NLRP5: variants seen among roughly 807,000 people sequenced by gnomAD.
NLRP5 encodes the protein NACHT, LRR and PYD domains-containing protein 5.
A neutral mutation model predicts 113.1 loss-of-function variants in NLRP5; 93 were observed. That is an observed-to-expected ratio of 0.82 (90% confidence interval 0.70 to 0.98). The LOEUF (loss-of-function observed/expected upper bound fraction) is 0.98, where lower values mean the gene tolerates loss of function less well. Among genes scored for constraint, NLRP5 ranks in the 50% least tolerant of loss-of-function variants. NLRP5 has a pLI of 0.00. For synonymous variants in NLRP5, 751 were observed against 600.7 expected, an observed-to-expected ratio of 1.25 and a Z score of -3.66; for missense variants, 1,808 against 1,514.3, an observed-to-expected ratio of 1.19 and a Z score of -3.22.
At chr19:55,998,728 A>ATATGTG (rs1262553481), upstream of NLRP5, among the ~76,000 whole-genome samples, 2 of 130,342 alleles carry the variant, frequency 1.5e-5, no homozygotes, top group African/African-American at 6.5e-5. Context: ...ATATATATAT[A>ATATGTG]TGTGTATATA....
At chr19:56,007,054 T>C (rs956455030) in intron 2 of NLRP5, among the ~76,000 whole-genome samples, 1 of 151,304 alleles carries the variant, frequency 6.6e-6, no homozygotes, top group East Asian at 2.0e-4. Context: ...TAAAATTTTT[T>C]AAAAATTGTA....
At chr19:56,015,224 G>C (rs1339282660) in intron 3 of NLRP5, among the ~76,000 whole-genome samples, 1 of 152,156 alleles carries the variant, frequency 6.6e-6, no homozygotes, top group Admixed American at 6.6e-5. Context: ...GTTTTTGACA[G>C]AGTTTCACTC....
chr19:56,009,554 C>G (rs1599880573), intron 3 of NLRP5, among the ~76,000 whole-genome samples: 1 of 152,100 alleles, frequency 6.6e-6, no homozygotes, highest in East Asian at 1.9e-4. Context: ...ATGCCAGCCA[C>G]TGCTCTGCGT....
chr19:55,993,716 ATTCAGTAT>A, the NLRP5 span, among the ~76,000 whole-genome samples: 1 of 147,404 alleles, frequency 6.8e-6, no homozygotes, highest in African/African-American at 2.5e-5. Flanking sequence ...AGTAAAATAC[ATTCAGTAT>A]TTAGTTTCCC....
At position 56,026,897 on chromosome 19, in the gene NLRP5, C is replaced by G; in HGVS notation, c.680-16C>G. On this transcript the variant is annotated splice_polypyrimidine_tract_variant and intron_variant, in intron 6 of 14. Transcript: ENST00000390649. ...GGTCTGTTTCCTGATTTTCATTCTA[C>G]CCTCTCTGACTCCAGGACATGGAGG... is the stretch of plus-strand genomic sequence containing the variant. The G allele has an allele frequency of 6.5e-7, 1 of 1,544,536 alleles. No homozygotes were observed. The highest frequency in any genetic ancestry group is 1.2e-5 in the South Asian group (1 of 83,172).
intron 2 of NLRP5, among the ~76,000 whole-genome samples, chr19:56,005,398 C>G (rs1456273380): frequency 3.4e-5 from 5 of 148,346 alleles, no homozygotes; most frequent in Non-Finnish European, 7.4e-5. Flanking sequence ...CATATACACA[C>G]ACATATACAC....
At chr19:56,036,171 C>G (rs979567818) in intron 9 of NLRP5, among the ~76,000 whole-genome samples, 8 of 147,124 alleles carry the variant, frequency 5.4e-5, no homozygotes, top group Non-Finnish European at 1.0e-4. Flanking sequence ...TCACGCCATT[C>G]TCCTGCCTCA....
chr19:56,011,767 C>T (rs1418668323), intron 3 of NLRP5, among the ~76,000 whole-genome samples: 1 of 151,122 alleles, frequency 6.6e-6, no homozygotes, highest in Non-Finnish European at 1.5e-5. Context: ...GATCTTGGCT[C>T]ACTGCAACCT....
intron 3 of NLRP5, among the ~76,000 whole-genome samples, chr19:56,011,076 C>T (rs941420807): frequency 6.6e-6 from 1 of 151,788 alleles, no homozygotes; most frequent in Non-Finnish European, 1.5e-5. Flanking sequence ...TGCTTGAGTC[C>T]AGGGGGGTTG....
At chr19:56,054,716 A>G (rs529521724) in intron 13 of NLRP5, among the ~76,000 whole-genome samples, 8 of 152,126 alleles carry the variant, frequency 5.3e-5, no homozygotes, top group Non-Finnish European at 7.4e-5. Flanking sequence ...GTTCGTACAT[A>G]AAGTAGAGGG....
chr19:56,028,567 C>T (rs1419152412), intron 7 of NLRP5, 58 bp downstream of exon 7: 5 of 1,489,510 alleles, frequency 3.4e-6, no homozygotes, highest in East Asian at 2.3e-5. Flanking sequence ...GTCTCTACTG[C>T]TGGGACTTGA....
intron 11 of NLRP5, 114 bp downstream of exon 11, chr19:56,041,206 C>G: frequency 1.0e-6 from 1 of 967,346 alleles, no homozygotes; most frequent in Non-Finnish European, 1.6e-6. Context: ...CATGAAGGGA[C>G]CTGGTATATG....
Position 56,028,201 on chromosome 19 carries a change from C to G in NLRP5, c.1968C>G (p.Pro656=), listed in dbSNP as rs751007478. 1 of 1,613,806 alleles carries G rather than the reference C, an allele frequency of 6.2e-7. No individual in the cohort carries two copies. The highest frequency in any genetic ancestry group is 1.3e-5 in the African/African-American group (1 of 74,940). ...CACTGGAGGTCCTGCTGGGCTGTCC[C>G]GTTCCCCTGGGGGTGAAGCAGAAGC... Residue 656 remains proline, a synonymous_variant, in exon 7 of 15, where the codon CCC becomes CCG. Transcript: ENST00000390649.
At chr19:56,056,539 A>G in intron 13 of NLRP5, among the ~76,000 whole-genome samples, 1 of 152,168 alleles carries the variant, frequency 6.6e-6, no homozygotes, top group Admixed American at 6.5e-5. Context: ...CCTGGGCAAC[A>G]GAGCGAGACT....
intron 2 of NLRP5, among the ~76,000 whole-genome samples, chr19:56,004,893 G>A (rs932433650): frequency 1.3e-5 from 2 of 151,772 alleles, no homozygotes; most frequent in African/African-American, 4.8e-5. Flanking sequence ...AAGAGATCGA[G>A]ACCAGCCTGG....
chr19:55,999,679 G>A (rs746851665), upstream of NLRP5: 27 of 1,417,280 alleles, frequency 1.9e-5, no homozygotes, highest in Non-Finnish European at 3.0e-6. Flanking sequence ...GCTTCCAGAG[G>A]AGAGCCCAGC....
chr19:56,058,505 C>T (rs893710630), intron 14 of NLRP5, 95 bp downstream of exon 14: 1 of 1,167,182 alleles, frequency 8.6e-7, no homozygotes, highest in African/African-American at 1.5e-5. Flanking sequence ...AAGTTGACGT[C>T]ATACCTTGGG....
chr19:56,003,491 A>G (rs73066202), intron 1 of NLRP5, among the ~76,000 whole-genome samples: 23,596 of 152,106 alleles, frequency 0.16, 2,073 homozygotes, highest in East Asian at 0.31. Context: ...CTAGCTAAGA[A>G]CATCTGTGGC....
At chr19:56,034,836 T>TGGTC (rs921809351) in intron 9 of NLRP5, among the ~76,000 whole-genome samples, 4 of 150,784 alleles carry the variant, frequency 2.7e-5, no homozygotes, top group South Asian at 2.1e-4. Context: ...GTTGGTTGGT[T>TGGTC]GGTCGGTCCC....
Sources: gnomAD v4.1 joint callset for allele counts (sites outside exome capture counted in the v4.1 genomes callset) on GRCh38, gnomAD v4.1.1 for gene constraint, MANE v1.5 for transcripts, NCBI Gene and HGNC (gene_info 2026-07-23, HGNC 2026-07-21) for gene names.